SSC4D: variants seen among roughly 807,000 people sequenced by gnomAD.
SSC4D encodes the protein scavenger receptor cysteine rich family member with 4 domains, also known as scavenger receptor cysteine-rich domain-containing group B protein.
A neutral mutation model predicts 63.4 loss-of-function variants in SSC4D; 57 were observed. The observed-to-expected ratio is 0.90, with a 90% CI of 0.73 to 1.12. SSC4D has a LOEUF of 1.12. Among genes scored for constraint, SSC4D ranks in the 50% most tolerant of loss-of-function variants. The pLI is 0.00. For synonymous variants in SSC4D, 352 were observed against 345.4 expected, an observed-to-expected ratio of 1.02 and a Z score of -0.21; for missense variants, 791 against 806.4, an observed-to-expected ratio of 0.98 and a Z score of 0.23.
chr7:76,404,504 A>G lies in SSC4D; in HGVS notation c.-65T>C. On this transcript the variant is annotated splice_region_variant and 5_prime_UTR_variant, in exon 2 of 11. The change abolishes an upstream ATG in the 5' untranslated region. Coordinates refer to ENST00000275560, the MANE Select transcript of SSC4D (RefSeq NM_080744.2). ...GCCAGGGAGAAGTCACAGTTGGAACATCTGAAATTAAAGATCCCAAATGTT... is the reference window on the plus strand; with the variant it reads ...GCCAGGGAGAAGTCACAGTTGGAACGTCTGAAATTAAAGATCCCAAATGTT... The G allele has an allele frequency of 1.2e-6, 2 of 1,611,422 alleles. No individual in the cohort carries two copies. The highest frequency in any genetic ancestry group is 2.2e-5 in the South Asian group (2 of 91,002).
intron 6 of SSC4D, 89 bp from the exon 7 acceptor site, chr7:76,395,419 G>T (rs995161196): frequency 3.0e-6 from 4 of 1,337,240 alleles, no homozygotes; most frequent in Non-Finnish European, 4.2e-6. Context: ...AGGAGGGTCT[G>T]CCTGGAGGAG....
At chr7:76,397,931 G>T in intron 5 of SSC4D, 99 bp from the exon 6 acceptor site, 1 of 1,231,954 alleles carries the variant, frequency 8.1e-7, no homozygotes, top group South Asian at 1.6e-5. Context: ...ACAACCCTTG[G>T]GCATCTGCTC....
chr7:76,405,274 TATATATATA>T (rs1804964219), intron 1 of SSC4D, among the ~76,000 whole-genome samples: 25 of 21,244 alleles, frequency 1.2e-3, no homozygotes, highest in African/African-American at 1.9e-3. Flanking sequence ...CAGCTAATTA[TATATATATA>T]TATATATATA....
chr7:76,397,612 G>GC lies in SSC4D; in HGVS notation c.773dup (p.Cys258TrpfsTer115). 1 of 1,611,728 alleles carries GC rather than the reference G, an allele frequency of 6.2e-7. No homozygotes were observed. Among genetic ancestry groups the GC allele is most frequent in the South Asian group, 1.1e-5 (1 of 90,880 alleles). ...CTGCCAGGCGGGGCTCGCCGCCTTC[G>GC]CAGTGCACGTTGTCCAGCAGGATGT... On this transcript the variant is annotated frameshift_variant, in exon 6 of 11. Coordinates refer to ENST00000275560, the MANE Select transcript of SSC4D (RefSeq NM_080744.2). LOFTEE classifies it high-confidence loss of function.
intron 9 of SSC4D, among the ~76,000 whole-genome samples, chr7:76,392,510 G>A (rs1220566147): frequency 6.6e-6 from 1 of 151,076 alleles, no homozygotes; most frequent in Non-Finnish European, 1.5e-5. Flanking sequence ...CTGCACTTCA[G>A]CCTGGGTGAC....
intron 7 of SSC4D, 87 bp downstream of exon 7, chr7:76,395,140 AGCCCTGGCCTGTTAGCCAGGGCCCCC>A (rs1249477690): frequency 5.0e-6 from 6 of 1,212,090 alleles, no homozygotes; most frequent in Non-Finnish European, 6.0e-6. Context: ...ATCTGGCCAA[AGCCCTGGCCTGTTAGCCAGGGCCCCC>A]GCCTGTGAAT....
chr7:76,409,168 G>C (rs1302028945), intron 1 of SSC4D, among the ~76,000 whole-genome samples: 1 of 152,066 alleles, frequency 6.6e-6, no homozygotes, highest in Non-Finnish European at 1.5e-5. Flanking sequence ...GCACAGGGTG[G>C]ATACTCAGGA....
chr7:76,405,335 C>T (rs992290372), intron 1 of SSC4D, among the ~76,000 whole-genome samples: 75 of 29,096 alleles, frequency 2.6e-3, no homozygotes, highest in East Asian at 5.5e-3. Context: ...TTCTTTCTTT[C>T]TTTCTTTTTT....
rs1804611097 is a variant in SSC4D at position 76,395,297 on chromosome 7, G to A, written c.902C>T (p.Ser301Phe). Reference protein sequence around the residue: ...LGPPTLTALPSSATREDWAWQ... With the variant: ...LGPPTLTALPFSATREDWAWQ... ...AGCCCAGTCCTCTCTTGTGGCTGAG[G>A]ATGGCAGTGCTGTGAGCGTTGGGGG... The change falls in exon 7 of 11, where the codon TCC becomes TTC. Residue 301 changes from serine to phenylalanine, a missense_variant. By Grantham distance (155) the Ser-to-Phe change is radical (BLOSUM62 -2). Transcript: ENST00000275560. 6.2e-7 allele frequency: 1 copy of A among 1,613,814 alleles called. No homozygotes were observed. Among genetic ancestry groups the A allele is most frequent in the African/African-American group, 1.3e-5 (1 of 74,936 alleles).
In SSC4D at chr7:76,401,011, G is replaced by T; in HGVS notation, c.166C>A (p.Gln56Lys). The T allele has an allele frequency of 6.4e-7, 1 of 1,550,732 alleles. No homozygotes were observed. Among genetic ancestry groups the T allele is most frequent in the Non-Finnish European group, 8.7e-7 (1 of 1,146,566 alleles). Residue 56 changes from glutamine (Q) to lysine (K), a missense_variant, in exon 3 of 11, where the codon CAA (glutamine) becomes AAA (lysine). Gln to Lys is a moderately conservative substitution (Grantham distance 53). Coordinates refer to ENST00000275560, the MANE Select transcript of SSC4D (RefSeq NM_080744.2). Reference protein sequence around the residue: ...SALQPTPLPFQELRLVGGPSR... With the variant: ...SALQPTPLPFKELRLVGGPSR... Reference sequence around the variant, plus strand: ...AAGGGCGGGGTGGGGCACCTACCTTGAAAGGGCAGTGGAGTGGGCTGTAGG... The same window carrying T: ...AAGGGCGGGGTGGGGCACCTACCTTTAAAGGGCAGTGGAGTGGGCTGTAGG...
At chr7:76,393,978 GC>G (rs1804570382) in intron 7 of SSC4D, 74 bp from the exon 8 acceptor site, 1 of 1,453,048 alleles carries the variant, frequency 6.9e-7, no homozygotes, top group Admixed American at 2.1e-5. Flanking sequence ...GCACGGGGAC[GC>G]CTACCAAGAC....
chr7:76,400,526 A>G lies in SSC4D; in HGVS notation c.235T>C (p.Trp79Arg). 1 of 1,575,370 alleles carries G rather than the reference A, an allele frequency of 6.3e-7. No homozygotes were observed. The highest frequency in any genetic ancestry group is 2.3e-5 in the East Asian group (1 of 42,814). ...CAGTCGTCATCACAGACGCTGCCCCAGGAGCCACCGTGCATGACTTCCAGG... is the reference window on the plus strand; with the variant it reads ...CAGTCGTCATCACAGACGCTGCCCCGGGAGCCACCGTGCATGACTTCCAGG... ...GRLEVMHGGS[W>R]GSVCDDDWDV... is the part of the protein sequence containing the mutation. The change falls in exon 4 of 11, where the codon TGG (tryptophan) becomes CGG (arginine). Residue 79 changes from tryptophan to arginine, a missense_variant. Transcript: ENST00000275560.
chr7:76,394,045 T>A (rs1804572716), intron 7 of SSC4D, 141 bp from the exon 8 acceptor site: 1 of 781,894 alleles, frequency 1.3e-6, no homozygotes. Context: ...AGTCACCACG[T>A]TGTCTGGCGC....
At chr7:76,397,213 T>G (rs1235584275) in intron 6 of SSC4D, among the ~76,000 whole-genome samples, 2 of 152,090 alleles carry the variant, frequency 1.3e-5, no homozygotes, top group Non-Finnish European at 1.5e-5. Flanking sequence ...CTCCCGAGTC[T>G]CTGGGATTAC....
rs773391280 is a variant in SSC4D at position 76,390,253 on chromosome 7, G to A, written c.1534C>T (p.Arg512Cys). Reference protein sequence around the residue: ...WDLRAAGVLCRQLGCGQALAA... With the variant: ...WDLRAAGVLCCQLGCGQALAA... ...AGGGCCTGGCCACAGCCCAGCTGGC[G>A]GCACAGGACACCGGCTGCCCGCAGG... is the stretch of plus-strand genomic sequence containing the variant. The change falls in exon 11 of 11, where the codon CGC becomes TGC. Residue 512 changes from arginine (R) to cysteine (C), a missense_variant. Arg to Cys is a radical substitution (Grantham distance 180, BLOSUM62 -3). Transcript: ENST00000275560. 31 of 1,613,896 alleles carry A rather than the reference G, an allele frequency of 1.9e-5. No individual in the cohort carries two copies. Among genetic ancestry groups the A allele is most frequent in the South Asian group, 1.1e-4 (10 of 91,062 alleles).
chr7:76,395,802 C>T (rs1340238262), intron 6 of SSC4D, among the ~76,000 whole-genome samples: 1 of 152,250 alleles, frequency 6.6e-6, no homozygotes, highest in East Asian at 1.9e-4. Flanking sequence ...AGCGATTCCC[C>T]TGCCTCAGCT....
In SSC4D at chr7:76,397,562, A is replaced by ACACCC. The variant is rs765171596; in HGVS notation, c.819_823dup (p.Val275GlyfsTer148). ...GTCCTCGTGGTGGCCGCAGTTGTGC[A>ACACCC]CACCCCAGCCCAGGCTCTGGCAGGC... On this transcript the variant is annotated frameshift_variant, in exon 6 of 11. Transcript: ENST00000275560. LOFTEE classifies it high-confidence loss of function. The ACACCC allele has an allele frequency of 6.2e-7, 1 of 1,604,336 alleles. No individual in the cohort carries two copies. Among genetic ancestry groups the ACACCC allele is most frequent in the South Asian group, 1.1e-5 (1 of 90,060 alleles).
intron 2 of SSC4D, among the ~76,000 whole-genome samples, 177 bp from the exon 3 acceptor site, chr7:76,401,220 C>T (rs1180615062): frequency 1.3e-5 from 2 of 152,026 alleles, no homozygotes; most frequent in African/African-American, 4.8e-5. Flanking sequence ...GATTGGCTTC[C>T]CTGCCTCACC....
rs769910490 is a variant in SSC4D, at chr7:76,392,033, C to T, written c.1342G>A (p.Glu448Lys). The change falls in exon 10 of 11, where the codon GAG (glutamate) becomes AAG (lysine). Residue 448 changes from glutamate to lysine, a missense_variant. Glu to Lys is a moderately conservative substitution (Grantham distance 56). Transcript: ENST00000275560. ...TCCTGCTGGACTTGCAGTCCCAGCT[C>T]CTCTGGGCCTGGTTCAGGAAGGACA... is the stretch of plus-strand genomic sequence containing the variant. ...DAGALCAGPEELGLQVQQDGS... is the reference protein window; with the variant it reads ...DAGALCAGPEKLGLQVQQDGS... The T allele has an allele frequency of 8.9e-6, 14 of 1,573,016 alleles. No individual in the cohort carries two copies. Among genetic ancestry groups the T allele is most frequent in the Non-Finnish European group, 1.2e-5 (14 of 1,158,614 alleles).
Sources: allele counts gnomAD v4.1 joint callset (sites outside exome capture counted in the v4.1 genomes callset), GRCh38; gene constraint gnomAD v4.1.1; transcripts MANE v1.5; gene names NCBI Gene and HGNC (gene_info 2026-07-23, HGNC 2026-07-21).